MARCHF8: variants seen among roughly 807,000 people sequenced by gnomAD.
MARCHF8 encodes the protein membrane associated ring-CH-type finger 8, also known as E3 ubiquitin-protein ligase MARCHF8.
In MARCHF8, 40 loss-of-function variants were observed where a neutral mutation model predicts 51.6. That is an observed-to-expected ratio of 0.77 (90% CI 0.60 to 1.01). The LOEUF is 1.01. MARCHF8 is among the 50% of genes least tolerant of loss of function. The pLI is 0.00. For synonymous variants in MARCHF8, 263 were observed against 280.3 expected (o/e 0.94, Z 0.62); for missense variants, 685 against 708.6 (o/e 0.97, Z 0.38).
intron 1 of MARCHF8, among the ~76,000 whole-genome samples, chr10:45,560,393 T>C (rs891106056): frequency 6.6e-6 from 1 of 152,194 alleles, no homozygotes; most frequent in Non-Finnish European, 1.5e-5. Context: ...AAAACTGATC[T>C]AGATAAGTTA....
At chr10:45,585,636 A>G (rs2044610319) in intron 1 of MARCHF8, among the ~76,000 whole-genome samples, 1 of 152,178 alleles carries the variant, frequency 6.6e-6, no homozygotes, top group Non-Finnish European at 1.5e-5. Context: ...GAATGGGATC[A>G]GAGAAGAGAG....
intron 1 of MARCHF8, among the ~76,000 whole-genome samples, chr10:45,577,717 T>A (rs1402791444): frequency 2.6e-5 from 4 of 152,184 alleles, no homozygotes; most frequent in African/African-American, 9.7e-5. Context: ...GGTATTTTGT[T>A]ATAGCAGCAT....
chr10:45,486,491 G>A (rs2042980992), intron 3 of MARCHF8, among the ~76,000 whole-genome samples: 1 of 152,172 alleles, frequency 6.6e-6, no homozygotes, highest in Non-Finnish European at 1.5e-5. Flanking sequence ...TTAAATCCAG[G>A]AGGCGGAGGT....
intron 1 of MARCHF8, among the ~76,000 whole-genome samples, chr10:45,588,230 G>A (rs1435509163): frequency 1.3e-5 from 2 of 149,630 alleles, no homozygotes; most frequent in African/African-American, 4.9e-5. Flanking sequence ...ATGAAATTTC[G>A]AAACACTTTC....
chr10:45,496,735 TAAATC>T lies in MARCHF8; in HGVS notation c.103-7323_103-7319del, dbSNP rs1378933722. 3.9e-5 allele frequency among the ~76,000 whole-genome samples: 6 copies of T among 152,104 alleles called. No homozygotes were observed. In the East Asian group the frequency reaches 1.2e-3, roughly 29 times the overall value. The stretch of plus-strand genomic sequence containing the variant: ...GAATCATTCTATGTCTTACAGGAAT[TAAATC>T]AATATGAATCTGAAGAAGATTCTGT... On this transcript the variant is annotated intron_variant, in intron 2 of 7. Coordinates refer to ENST00000453424, the MANE Select transcript of MARCHF8 (RefSeq NM_001282866.2).
intron 1 of MARCHF8, among the ~76,000 whole-genome samples, chr10:45,583,872 GGCAC>G (rs2044581877): frequency 6.6e-6 from 1 of 151,696 alleles, no homozygotes; most frequent in East Asian, 1.9e-4. Flanking sequence ...GGAAGGTGAT[GGCAC>G]GCGCCTGCAA....
chr10:45,577,204 G>A (rs539926826), intron 1 of MARCHF8, among the ~76,000 whole-genome samples: 1 of 152,058 alleles, frequency 6.6e-6, no homozygotes. Flanking sequence ...ACAGTAGAAG[G>A]ATGGTTACTG....
At position 45,455,790 on chromosome 10, in the gene MARCHF8, AAAG is replaced by A. The variant is rs1476188373; in HGVS notation, c.*2446_*2448del. The A allele has an allele frequency of 1.3e-5, 2 of 152,484 alleles. No individual in the cohort carries two copies. Among genetic ancestry groups the A allele is most frequent in the Non-Finnish European group, 2.9e-5 (2 of 68,244 alleles). 9.4% of individuals were successfully genotyped at this position (152,484 alleles called of 1,614,324 possible). A position where few individuals can be genotyped will look rare whatever the true frequency, so the allele number is the denominator to read the frequency against. On this transcript the variant is annotated 3_prime_UTR_variant, in exon 8 of 8. Coordinates refer to ENST00000453424, the MANE Select transcript of MARCHF8 (RefSeq NM_001282866.2). ...TGGCTCTGTGCCCCGCCAGGAGAGG[AAAG>A]AAGAATGTGTGTGGATTGTCCACAG... is the stretch of plus-strand genomic sequence containing the variant.
Position 45,456,446 on chromosome 10 carries a change from G to C in MARCHF8, c.*1793C>G, listed in dbSNP as rs1253095979. Reference sequence around the variant, plus strand: ...CCAAGGAATCAGACACTGGCTTGGAGGAGACAGGAGGACAAAGCCTGCTGC... The same window carrying C: ...CCAAGGAATCAGACACTGGCTTGGACGAGACAGGAGGACAAAGCCTGCTGC... On this transcript the variant is annotated 3_prime_UTR_variant, in exon 8 of 8. Transcript: ENST00000453424. The C allele has an allele frequency of 6.6e-6, 1 of 152,304 alleles. No individual in the cohort carries two copies. Among genetic ancestry groups the C allele is most frequent in the Non-Finnish European group, 1.5e-5 (1 of 68,116 alleles). The allele number at this position is 152,304 out of a possible 1,614,324, so 9.4% of individuals were successfully genotyped here. A position where few individuals can be genotyped will look rare whatever the true frequency, so the allele number is the denominator to read the frequency against.
chr10:45,594,244 C>T (rs1381493391), exon 1 of MARCHF8: 2 of 152,268 alleles, frequency 1.3e-5, no homozygotes, highest in Non-Finnish European at 2.9e-5. Context: ...CCTATGCTTT[C>T]CTTCTGGCAC....
At chr10:45,475,638 G>A (rs2042774110) in intron 3 of MARCHF8, among the ~76,000 whole-genome samples, 2 of 152,014 alleles carry the variant, frequency 1.3e-5, no homozygotes, top group South Asian at 4.2e-4. Context: ...GGAGCCAGAG[G>A]GTTGTCCTGC....
At chr10:45,565,008 C>T (rs1198474484) in intron 1 of MARCHF8, among the ~76,000 whole-genome samples, 1 of 140,960 alleles carries the variant, frequency 7.1e-6, no homozygotes, top group African/African-American at 2.6e-5. Flanking sequence ...AAAAAAAATA[C>T]TGGAAGTGTT....
At chr10:45,504,330 G>A (rs1481796795) in intron 2 of MARCHF8, among the ~76,000 whole-genome samples, 5 of 152,218 alleles carry the variant, frequency 3.3e-5, no homozygotes, top group African/African-American at 1.2e-4. Context: ...TGTAATCCAA[G>A]CTACTTGGGA....
intron 1 of MARCHF8, among the ~76,000 whole-genome samples, chr10:45,542,524 A>G (rs2044068298): frequency 6.6e-6 from 1 of 152,042 alleles, no homozygotes; most frequent in Non-Finnish European, 1.5e-5. Context: ...CCTCGATGGG[A>G]GTATCTGATA....
At chr10:45,586,374 CTG>C (rs1415638547) in intron 1 of MARCHF8, among the ~76,000 whole-genome samples, 1 of 152,142 alleles carries the variant, frequency 6.6e-6, no homozygotes, top group African/African-American at 2.4e-5. Context: ...TATAGTGACA[CTG>C]TGCAATTCAC....
chr10:45,537,171 T>C (rs1335722172), upstream of MARCHF8, among the ~76,000 whole-genome samples: 2 of 152,098 alleles, frequency 1.3e-5, no homozygotes, highest in Admixed American at 6.6e-5. Flanking sequence ...TCTCCTCATA[T>C]GAAAACTTGT....
intron 2 of MARCHF8, among the ~76,000 whole-genome samples, chr10:45,513,684 G>A (rs1589140434): frequency 1.3e-5 from 2 of 151,628 alleles, no homozygotes; most frequent in Non-Finnish European, 1.5e-5. Flanking sequence ...AACAGAGACG[G>A]CATCCACAAA....
At position 45,458,458 on chromosome 10, in the gene MARCHF8, A is replaced by G; in HGVS notation, c.1503T>C (p.Cys501=). 6.2e-7 allele frequency: 1 copy of G among 1,614,128 alleles called. No individual in the cohort carries two copies. The highest frequency in any genetic ancestry group is 8.5e-7 in the Non-Finnish European group (1 of 1,180,010). The stretch of plus-strand genomic sequence containing the variant: ...TCTTCCACAATTGCACATACACTTT[A>G]CACTGAACATACATAAAAAGAAGTC... The part of the protein sequence containing the change: ...TGGLLFMYVQ[C]KVYVQLWKRL... Residue 501 remains cysteine (C), a synonymous_variant, in exon 8 of 8, where the codon TGT becomes TGC. Transcript: ENST00000453424.
intron 1 of MARCHF8, among the ~76,000 whole-genome samples, chr10:45,572,691 C>T (rs1228821102): frequency 3.3e-5 from 5 of 152,104 alleles, no homozygotes; most frequent in African/African-American, 9.7e-5. Flanking sequence ...CTTTCCCTCC[C>T]GCCTGTCCCT....
Sources: allele counts gnomAD v4.1 joint callset (sites outside exome capture counted in the v4.1 genomes callset), GRCh38; gene constraint gnomAD v4.1.1; transcripts MANE v1.5; gene names NCBI Gene and HGNC (gene_info 2026-07-23, HGNC 2026-07-21).